The following CD46 variants were observed in gnomAD, a reference collection of about 807,000 sequenced individuals.
CD46 encodes membrane cofactor protein.
Under a neutral mutation model 53.3 loss-of-function variants are expected in CD46, and 30 were observed. The ratio of observed to expected loss-of-function variants is 0.56; its 90% confidence interval spans 0.42 to 0.76. The LOEUF is 0.76. CD46 is among the 30% of genes least tolerant of loss of function. CD46 has a pLI of 0.00. For synonymous variants in CD46, 142 were observed against 152.0 expected, an observed-to-expected ratio of 0.93 and a Z score of 0.48; for missense variants, 409 against 463.0, an observed-to-expected ratio of 0.88 and a Z score of 1.07.
In CD46 at chr1:207,752,079, C is replaced by T. The variant is rs1654956245; in HGVS notation, c.-134C>T. On this transcript the variant is annotated 5_prime_UTR_variant, in exon 1 of 13. Coordinates refer to ENST00000367042, the MANE Select transcript of CD46 (RefSeq NM_172351.3). The surrounding 1 kb of genome is among the most constrained non-coding windows in gnomAD (Gnocchi z 4.1). Reference sequence around the variant, plus strand: ...GCGGCTCGGGCCACGCCCACCTGTCCTGCAGCACTGGATGCTTTGTGAGTT... The same window carrying T: ...GCGGCTCGGGCCACGCCCACCTGTCTTGCAGCACTGGATGCTTTGTGAGTT... 4.4e-6 allele frequency: 4 copies of T among 919,118 alleles called. No individual in the cohort carries two copies. The South Asian group carries it at 5.3e-5, about 12-fold the overall frequency. 56.9% of individuals were successfully genotyped at this position (919,118 alleles called of 1,614,324 possible). A position where few individuals can be genotyped will look rare whatever the true frequency, so the allele number is the denominator to read the frequency against.
At chr1:207,776,002 G>A (rs1658059847) in intron 8 of CD46, among the ~76,000 whole-genome samples, 1 of 152,208 alleles carries the variant, frequency 6.6e-6, no homozygotes, top group African/African-American at 2.4e-5. Context: ...AGCCCTTACT[G>A]AGCTGCGGTG....
chr1:207,781,982 G>C (rs963076482), intron 8 of CD46, among the ~76,000 whole-genome samples: 1 of 151,380 alleles, frequency 6.6e-6, no homozygotes, highest in Admixed American at 6.6e-5. Flanking sequence ...GATTTTCATA[G>C]GGGTTGCACT....
In CD46 at chr1:207,767,841, T is replaced by A. The variant is rs2102600132; in HGVS notation, c.901+18T>A. 1.3e-6 allele frequency: 2 copies of A among 1,583,844 alleles called. No homozygotes were observed. Among genetic ancestry groups the A allele is most frequent in the Admixed American group, 1.7e-5 (1 of 59,908 alleles). On this transcript the variant is annotated intron_variant, in intron 7 of 12. Coordinates refer to ENST00000367042, the MANE Select transcript of CD46 (RefSeq NM_172351.3). ...TGCCTCAGGTTTAGTAATTTCCTGC[T>A]TATAGTTTTTCAAAAATCCTTTAAA...
intron 2 of CD46, 68 bp from the exon 3 acceptor site, chr1:207,757,472 G>T: frequency 9.6e-7 from 1 of 1,046,538 alleles, no homozygotes; most frequent in Non-Finnish European, 1.5e-6. Context: ...GAGCACTGCA[G>T]AATTTTGATT....
intron 8 of CD46, among the ~76,000 whole-genome samples, chr1:207,777,903 G>A (rs1303847932): frequency 6.6e-6 from 1 of 152,076 alleles, no homozygotes; most frequent in Non-Finnish European, 1.5e-5. Context: ...ACACTCCCAC[G>A]AACAGCATAT....
In CD46 at chr1:207,752,234, G is replaced by A. The variant is rs1468288673; in HGVS notation, c.22G>A (p.Glu8Lys). 1 of 1,614,080 alleles carries A rather than the reference G, an allele frequency of 6.2e-7. No homozygotes were observed. MEPPGRR[E>K]CPFPSWRFPG... ...GCGCATGGAGCCTCCCGGCCGCCGC[G>A]AGTGTCCCTTTCCTTCCTGGCGCTT... Residue 8 changes from glutamate (E) to lysine (K), a missense_variant, in exon 1 of 13, where the codon GAG (glutamate) becomes AAG (lysine). Coordinates refer to ENST00000367042, the MANE Select transcript of CD46 (RefSeq NM_172351.3). This position sits in a 1 kb window ranked among gnomAD's most constrained non-coding sequence, Gnocchi z 4.1.
At chr1:207,755,276 G>A (rs1655403967) in intron 1 of CD46, among the ~76,000 whole-genome samples, 1 of 152,164 alleles carries the variant, frequency 6.6e-6, no homozygotes, top group South Asian at 2.1e-4. Flanking sequence ...AGAATGAAGA[G>A]AAGGAAAAGC....
rs1463123492 is a variant in CD46 at position 207,757,216 on chromosome 1, C to A, written c.286+14C>A. 6.2e-7 allele frequency: 1 copy of A among 1,606,040 alleles called. No individual in the cohort carries two copies. Among genetic ancestry groups the A allele is most frequent in the South Asian group, 1.1e-5 (1 of 90,958 alleles). On this transcript the variant is annotated intron_variant, in intron 2 of 12. Coordinates refer to ENST00000367042, the MANE Select transcript of CD46 (RefSeq NM_172351.3). The stretch of plus-strand genomic sequence containing the variant: ...ACGCCTGTTATAGTAAGTAAACAAA[C>A]CTCTTTTTTTTTTCTGCTTGCTCTA...
At chr1:207,784,497 G>A (rs1349426169) in intron 9 of CD46, among the ~76,000 whole-genome samples, 1 of 152,202 alleles carries the variant, frequency 6.6e-6, no homozygotes, top group East Asian at 1.9e-4. Flanking sequence ...CCCATTAAGA[G>A]TTTCACAAGT....
intron 8 of CD46, among the ~76,000 whole-genome samples, chr1:207,775,473 T>G (rs1052538922): frequency 5.9e-5 from 9 of 152,212 alleles, no homozygotes; most frequent in Non-Finnish European, 1.2e-4. Flanking sequence ...TTTTTGGAAT[T>G]TTCAGCTTTT....
At chr1:207,753,434 C>T (rs1475070528) in intron 1 of CD46, among the ~76,000 whole-genome samples, 1 of 152,234 alleles carries the variant, frequency 6.6e-6, no homozygotes, top group African/African-American at 2.4e-5. Context: ...CTTTGGGAGG[C>T]CCAGGCGGGG....
At chr1:207,776,213 G>T (rs1658085748) in intron 8 of CD46, among the ~76,000 whole-genome samples, 1 of 152,242 alleles carries the variant, frequency 6.6e-6, no homozygotes, top group African/African-American at 2.4e-5. Context: ...TCTGCTGGTT[G>T]TTAAGACTGT....
rs1655633963 is a variant in CD46 at position 207,757,109 on chromosome 1, A to G, written c.193A>G (p.Lys65Glu). 1 of 1,613,498 alleles carries G rather than the reference A, an allele frequency of 6.2e-7. No individual in the cohort carries two copies. Among genetic ancestry groups the G allele is most frequent in the Non-Finnish European group, 8.5e-7 (1 of 1,179,536 alleles). The change falls in exon 2 of 13, where the codon AAA (lysine) becomes GAA (glutamate). Residue 65 changes from lysine to glutamate, a missense_variant. By Grantham distance (56) the Lys-to-Glu change is moderately conservative. Coordinates refer to ENST00000367042, the MANE Select transcript of CD46 (RefSeq NM_172351.3). ...TGGTGAACGAGTAGATTATAAGTGTAAAAAAGGATACTTCTATATACCTCC... is the reference window on the plus strand; with the variant it reads ...TGGTGAACGAGTAGATTATAAGTGTGAAAAAGGATACTTCTATATACCTCC... ...EIGERVDYKC[K>E]KGYFYIPPLA... is the part of the protein sequence containing the mutation.
At chr1:207,785,706 A>C in intron 11 of CD46, 24 bp downstream of exon 11, 1 of 1,486,940 alleles carries the variant, frequency 6.7e-7, no homozygotes, top group Non-Finnish European at 9.4e-7. Context: ...TGTTTCTTTT[A>C]ACTTCTTGGT....
intron 11 of CD46, among the ~76,000 whole-genome samples, chr1:207,789,902 A>T (rs1659633717): frequency 6.6e-6 from 1 of 150,724 alleles, no homozygotes; most frequent in Non-Finnish European, 1.5e-5. Flanking sequence ...AAAAAAATCA[A>T]GAGTGCTAGA....
At chr1:207,763,523 C>G (rs1571603324) in intron 5 of CD46, among the ~76,000 whole-genome samples, 1 of 152,334 alleles carries the variant, frequency 6.6e-6, no homozygotes, top group Non-Finnish European at 1.5e-5. Flanking sequence ...CATCACTTTT[C>G]GTGTCTCTCG....
chr1:207,787,315 G>A lies in CD46; in HGVS notation c.1082+1633G>A, dbSNP rs139788019. ...TTGAACTCCTGACCTCAGGTAATCC[G>A]CCCACCTCGGCCTCCCAAGGTGCTA... On this transcript the variant is annotated intron_variant, in intron 11 of 12. Coordinates refer to ENST00000367042, the MANE Select transcript of CD46 (RefSeq NM_172351.3). Among the ~76,000 whole-genome samples, 79 of 152,184 alleles carry A rather than the reference G, an allele frequency of 5.2e-4. No individual in the cohort carries two copies. The East Asian group carries it at 0.014, about 27-fold the overall frequency.
At chr1:207,787,681 A>T (rs895824303) in intron 11 of CD46, among the ~76,000 whole-genome samples, 1 of 152,218 alleles carries the variant, frequency 6.6e-6, no homozygotes, top group Non-Finnish European at 1.5e-5. Flanking sequence ...TTTAAAATAT[A>T]AACTGCGTGG....
At chr1:207,780,990 C>T (rs571212630) in intron 8 of CD46, among the ~76,000 whole-genome samples, 7 of 151,472 alleles carry the variant, frequency 4.6e-5, no homozygotes, top group Admixed American at 4.0e-4. Flanking sequence ...AACAAACACA[C>T]CCCTGCAATA....
Sources: gnomAD v4.1 joint callset for allele counts (sites outside exome capture counted in the v4.1 genomes callset) on GRCh38, gnomAD v4.1.1 for gene constraint, Gnocchi (gnomAD v3.1) non-coding constraint, MANE v1.5 for transcripts, NCBI Gene and HGNC (gene_info 2026-07-23, HGNC 2026-07-21) for gene names.